Variants in ELP2 observed in about 807,000 individuals in gnomAD.
The protein encoded by ELP2 is elongator complex protein 2.
Under a neutral mutation model 119.2 loss-of-function variants are expected in ELP2, and 90 were observed. The observed-to-expected ratio is 0.75, with a 90% CI of 0.64 to 0.90. The LOEUF is 0.90. Among genes scored for constraint, ELP2 ranks in the 40% least tolerant of loss-of-function variants. ELP2 has a pLI of 0.00. For synonymous variants in ELP2, 339 were observed against 331.0 expected (o/e 1.02, Z -0.26); for missense variants, 921 against 967.8 (o/e 0.95, Z 0.64).
At chr18:36,134,921 A>T (rs1182550171) in intron 2 of ELP2, among the ~76,000 whole-genome samples, 1 of 152,176 alleles carries the variant, frequency 6.6e-6, no homozygotes, top group Non-Finnish European at 1.5e-5. Context: ...CAAATGCAAA[A>T]TTTTCTGAAT....
chr18:36,157,930 A>G (rs1262695773), intron 13 of ELP2, among the ~76,000 whole-genome samples: 1 of 152,176 alleles, frequency 6.6e-6, no homozygotes, highest in Non-Finnish European at 1.5e-5. Context: ...ATTCCATGAG[A>G]GGCTTAGTCC....
intron 12 of ELP2, among the ~76,000 whole-genome samples, chr18:36,156,158 G>A (rs1332511771): frequency 2.6e-5 from 4 of 152,192 alleles, no homozygotes; most frequent in East Asian, 1.9e-4. Context: ...GGGTCAGTCC[G>A]TAAGAGCTAG....
rs2091042943 is a variant in ELP2 at position 36,170,341 on chromosome 18, TCAC to T, written c.2210+146_2210+148del. 3 of 993,066 alleles carry T rather than the reference TCAC, an allele frequency of 3.0e-6. No individual in the cohort carries two copies. The African/African-American group carries it at 4.9e-5, about 16-fold the overall frequency. The allele number at this position is 993,066 out of a possible 1,614,324, so 61.5% of individuals were successfully genotyped here. A position where few individuals can be genotyped will look rare whatever the true frequency, so the allele number is the denominator to read the frequency against. On this transcript the variant is annotated intron_variant, in intron 20 of 21. Coordinates refer to ENST00000358232, the MANE Select transcript of ELP2 (RefSeq NM_018255.4). ...TTTTTTTTTGTTTTGAGATGGAGTC[TCAC>T]TCTGTCGCCCAGGCTGGAATGCAGT... is the stretch of plus-strand genomic sequence containing the variant.
rs780069225 is a variant in ELP2, at chr18:36,174,635, A to G, written c.2475A>G (p.Ala825=). ...TVKIHRVNKC[A]L is the part of the protein sequence containing the mutation. ...AGATACACAGAGTCAATAAATGTGC[A>G]CTGTAATGGACTTAATAACTACATG... The change falls in exon 22 of 22, where the codon GCA becomes GCG. Residue 825 remains alanine, a synonymous_variant. Transcript: ENST00000358232. 1.2e-6 allele frequency: 2 copies of G among 1,613,910 alleles called. No individual in the cohort carries two copies. Among genetic ancestry groups the G allele is most frequent in the African/African-American group, 1.3e-5 (1 of 74,902 alleles).
At chr18:36,151,499 G>A (rs77226544) in intron 11 of ELP2, among the ~76,000 whole-genome samples, 53,525 of 151,968 alleles carry the variant, frequency 0.35, 10,769 homozygotes, top group South Asian at 0.6. Flanking sequence ...GCCTTTGATA[G>A]TGTTGTATTA....
intron 19 of ELP2, 85 bp from the exon 20 acceptor site, chr18:36,169,978 T>C: frequency 6.4e-7 from 1 of 1,562,254 alleles, no homozygotes; most frequent in Non-Finnish European, 8.8e-7. Context: ...AAATACTTTG[T>C]TTTATCTTTG....
intron 16 of ELP2, 21 bp from the exon 17 acceptor site, chr18:36,160,911 T>G: frequency 1.3e-6 from 2 of 1,560,892 alleles, no homozygotes; most frequent in Non-Finnish European, 8.8e-7. Flanking sequence ...TAATAGTACT[T>G]TTTTTCTTTT....
At chr18:36,144,181 G>T (rs2090127835) in intron 8 of ELP2, among the ~76,000 whole-genome samples, 1 of 151,976 alleles carries the variant, frequency 6.6e-6, no homozygotes, top group South Asian at 2.1e-4. Context: ...ACGAAAAAAT[G>T]ATATAACCAG....
intron 11 of ELP2, 118 bp downstream of exon 11, chr18:36,146,499 A>G (rs2090207915): frequency 9.6e-6 from 11 of 1,146,986 alleles, no homozygotes; most frequent in Non-Finnish European, 1.3e-5. Flanking sequence ...AGTTCAAGTG[A>G]CATAACTTTT....
rs77953903 is a variant in ELP2, at chr18:36,135,774, G to A, written c.218-533G>A. Among the ~76,000 whole-genome samples, 1,461 of 152,194 alleles carry A rather than the reference G, an allele frequency of 9.6e-3. 29 individuals are homozygous for A. The highest frequency in any genetic ancestry group is 0.034 in the African/African-American group (1,406 of 41,516). On this transcript the variant is annotated intron_variant, in intron 2 of 21. Transcript: ENST00000358232. ...GAGGAAACAATCAAACAGATTGAGGGACATTCTGCAGAACAAGTGCTGGGT... is the reference window on the plus strand; with the variant it reads ...GAGGAAACAATCAAACAGATTGAGGAACATTCTGCAGAACAAGTGCTGGGT...
intron 14 of ELP2, among the ~76,000 whole-genome samples, chr18:36,159,506 A>G (rs1333732743): frequency 6.6e-6 from 1 of 152,198 alleles, no homozygotes; most frequent in Non-Finnish European, 1.5e-5. Context: ...AGACTGTTAG[A>G]TCAAAGAAAA....
intron 11 of ELP2, 102 bp downstream of exon 11, chr18:36,146,483 A>C: frequency 7.6e-7 from 1 of 1,317,330 alleles, no homozygotes; most frequent in Non-Finnish European, 1.1e-6. Flanking sequence ...TAGTAGAGGC[A>C]CTTGAAGTTC....
chr18:36,138,410 T>A lies in ELP2; in HGVS notation c.429T>A (p.Ser143=). 1.2e-6 allele frequency: 2 copies of A among 1,614,082 alleles called. No individual in the cohort carries two copies. The highest frequency in any genetic ancestry group is 1.7e-6 in the Non-Finnish European group (2 of 1,179,992). ...AAADSAVRLW[S]KKGPEVMCLQ... ...CAGATTCTGCTGTTCGACTCTGGTC[T>A]AAAAAGGGTCCAGAAGGTAGGTTTG... is the stretch of plus-strand genomic sequence containing the variant. Residue 143 remains serine (S), a synonymous_variant, in exon 4 of 22, where the codon TCT becomes TCA. Coordinates refer to ENST00000358232, the MANE Select transcript of ELP2 (RefSeq NM_018255.4).
At chr18:36,130,194 C>A in intron 1 of ELP2, 123 bp downstream of exon 1, 1 of 1,345,306 alleles carries the variant, frequency 7.4e-7, no homozygotes, top group Non-Finnish European at 1.0e-6. Flanking sequence ...CTCAGGGGAG[C>A]GGGGTTTGGG....
In ELP2 at chr18:36,163,275, G is replaced by GGTGTGTGT. The variant is rs59728775; in HGVS notation, c.1762-1183_1762-1176dup. Among the ~76,000 whole-genome samples the GGTGTGTGT allele has an allele frequency of 4.2e-3, 609 of 145,480 alleles. 9 individuals carry two copies. Among genetic ancestry groups the GGTGTGTGT allele is most frequent in the African/African-American group, 0.014 (563 of 39,536 alleles). ...TATGGCCGAGTAGTAGTTCATGGGG[G>GGTGTGTGT]GTGTGTGTGTGTGTGTGTGTGTGTA... On this transcript the variant is annotated intron_variant, in intron 17 of 21. Coordinates refer to ENST00000358232, the MANE Select transcript of ELP2 (RefSeq NM_018255.4).
intron 18 of ELP2, among the ~76,000 whole-genome samples, chr18:36,165,406 T>C (rs2144779541): frequency 6.6e-6 from 1 of 152,366 alleles, no homozygotes; most frequent in Non-Finnish European, 1.5e-5. Context: ...TAATCCTGTT[T>C]TAAATTTTTC....
At chr18:36,167,252 A>C in intron 19 of ELP2, 30 bp downstream of exon 19, 1 of 1,477,158 alleles carries the variant, frequency 6.8e-7, no homozygotes, top group Non-Finnish European at 9.2e-7. Context: ...ATATTTTTTC[A>C]AATGTAAAAA....
intron 11 of ELP2, among the ~76,000 whole-genome samples, chr18:36,153,044 G>A (rs1233221127): frequency 1.3e-5 from 2 of 152,198 alleles, no homozygotes; most frequent in African/African-American, 4.8e-5. Flanking sequence ...GAGGCTGGTG[G>A]CCTGAGCTCG....
chr18:36,175,610 A>G lies in ELP2; in HGVS notation c.*969A>G, dbSNP rs654376. 146,280 of 152,302 alleles carry G rather than the reference A, an allele frequency of 0.96. 70,538 individuals carry two copies. The highest frequency in any genetic ancestry group is 1 in the East Asian group (5,174 of 5,174). The allele number at this position is 152,302 out of a possible 1,614,324, so 9.4% of individuals were successfully genotyped here. On this transcript the variant is annotated 3_prime_UTR_variant, in exon 22 of 22. Coordinates refer to ENST00000358232, the MANE Select transcript of ELP2 (RefSeq NM_018255.4). ...CAGCTGAAGTCACGAGATGAGGGAT[A>G]TATGTCCCCCAGGGAGGATGCAGAA...
Sources: gnomAD v4.1 joint callset for allele counts (sites outside exome capture counted in the v4.1 genomes callset) on GRCh38, gnomAD v4.1.1 for gene constraint, MANE v1.5 for transcripts, NCBI Gene and HGNC (gene_info 2026-07-23, HGNC 2026-07-21) for gene names.